NRXN3: variants seen among roughly 807,000 people sequenced by gnomAD.
NRXN3 encodes the protein neurexin 3.
A neutral mutation model predicts 137.6 loss-of-function variants in NRXN3; 32 were observed. That is an observed-to-expected ratio of 0.23 (90% CI 0.18 to 0.31). NRXN3 has a LOEUF of 0.31. Among genes scored for constraint, NRXN3 ranks in the 10% least tolerant of loss-of-function variants. The pLI, the probability that NRXN3 is intolerant of heterozygous loss-of-function variation, is 1.00. For synonymous variants in NRXN3, 798 were observed against 784.5 expected (o/e 1.02, Z -0.29); for missense variants, 1,574 against 2,062.5 (o/e 0.76, Z 4.59).
At chr14:79,690,647 A>G (rs917551287) in intron 17 of NRXN3, among the ~76,000 whole-genome samples, 5 of 152,056 alleles carry the variant, frequency 3.3e-5, no homozygotes, top group African/African-American at 4.8e-5. Flanking sequence ...AGCTTGTTAG[A>G]ATAATTTGTC....
At chr14:79,219,867 A>G (rs2069223540) in intron 15 of NRXN3, among the ~76,000 whole-genome samples, 1 of 152,196 alleles carries the variant, frequency 6.6e-6, no homozygotes, top group South Asian at 2.1e-4. Context: ...TCCCATCAAA[A>G]TGGGAACAAG....
chr14:79,598,748 G>T (rs2153831538), intron 16 of NRXN3, among the ~76,000 whole-genome samples: 1 of 152,298 alleles, frequency 6.6e-6, no homozygotes, highest in Non-Finnish European at 1.5e-5. Flanking sequence ...ACATCATGTG[G>T]AATCTGGAAG....
intron 15 of NRXN3, among the ~76,000 whole-genome samples, chr14:79,438,303 A>G (rs559353070): frequency 2.6e-4 from 40 of 152,276 alleles, no homozygotes; most frequent in Middle Eastern, 3.4e-3. Context: ...CTATCTAGGT[A>G]TCCTGGTTGA....
chr14:79,741,490 TTTG>T (rs1354546766), intron 19 of NRXN3, among the ~76,000 whole-genome samples: 2 of 152,054 alleles, frequency 1.3e-5, no homozygotes, highest in African/African-American at 2.4e-5. Flanking sequence ...TATATAATTT[TTTG>T]TTGTTGTTTT....
intron 19 of NRXN3, among the ~76,000 whole-genome samples, chr14:79,790,293 GAGGGAGCA>G (rs983646094): frequency 2.0e-5 from 3 of 151,382 alleles, no homozygotes; most frequent in Non-Finnish European, 4.4e-5. Context: ...GAGAGGGAGA[GAGGGAGCA>G]AGGGAGACAG....
intron 15 of NRXN3, among the ~76,000 whole-genome samples, chr14:79,264,980 A>T (rs2078226738): frequency 6.6e-6 from 1 of 152,176 alleles, no homozygotes; most frequent in African/African-American, 2.4e-5. Context: ...ATGTGTGTGT[A>T]TATATACATT....
At chr14:78,229,728 C>T (rs1325205653) in intron 1 of NRXN3, among the ~76,000 whole-genome samples, 2 of 152,188 alleles carry the variant, frequency 1.3e-5, no homozygotes, top group Admixed American at 6.5e-5. Flanking sequence ...CTAATACTTG[C>T]CCTGGCCTGG....
chr14:79,429,690 T>C (rs1021977326), intron 15 of NRXN3, among the ~76,000 whole-genome samples: 2 of 152,180 alleles, frequency 1.3e-5, no homozygotes, highest in African/African-American at 2.4e-5. Flanking sequence ...TGCATGTACT[T>C]CTTCGCAAGG....
intron 16 of NRXN3, among the ~76,000 whole-genome samples, chr14:79,557,316 GC>G (rs1482040002): frequency 4.7e-5 from 7 of 149,146 alleles, no homozygotes; most frequent in African/African-American, 1.5e-4. Context: ...TCCTCCCCCT[GC>G]CCCCTGCAAA....
At chr14:79,849,591 A>G (rs1012519348) in intron 20 of NRXN3, among the ~76,000 whole-genome samples, 3 of 152,236 alleles carry the variant, frequency 2.0e-5, no homozygotes, top group Non-Finnish European at 4.4e-5. Context: ...GTATTATCAA[A>G]AAGACAAGGG....
At chr14:78,790,518 T>C (rs1361002260) in intron 8 of NRXN3, among the ~76,000 whole-genome samples, 1 of 152,172 alleles carries the variant, frequency 6.6e-6, no homozygotes, top group Non-Finnish European at 1.5e-5. Flanking sequence ...TGTTGCAAAA[T>C]ACAGATTTAG....
chr14:79,093,631 C>T (rs539627339), intron 15 of NRXN3, among the ~76,000 whole-genome samples: 9 of 152,252 alleles, frequency 5.9e-5, no homozygotes, highest in South Asian at 2.1e-4. Flanking sequence ...CTAAGCACAC[C>T]GGTTAAGTGT....
At chr14:79,830,823 G>T (rs554776622) in intron 20 of NRXN3, among the ~76,000 whole-genome samples, 1 of 151,806 alleles carries the variant, frequency 6.6e-6, no homozygotes, top group Non-Finnish European at 1.5e-5. Flanking sequence ...AGACTTGTTC[G>T]GTAAACTATT....
intron 4 of NRXN3, among the ~76,000 whole-genome samples, chr14:78,314,457 G>A (rs1269663444): frequency 6.6e-6 from 1 of 152,164 alleles, no homozygotes; most frequent in Non-Finnish European, 1.5e-5. Flanking sequence ...CTTCCGTCCT[G>A]TAGCTTTGTC....
At chr14:78,749,371 C>T (rs1207747894) in intron 8 of NRXN3, among the ~76,000 whole-genome samples, 6 of 152,156 alleles carry the variant, frequency 3.9e-5, no homozygotes, top group Non-Finnish European at 8.8e-5. Context: ...AGCTTTTATG[C>T]TCATTTCACC....
Position 78,270,863 on chromosome 14 carries a change from C to T in NRXN3, c.710-7782C>T, listed in dbSNP as rs1021822762. The stretch of plus-strand genomic sequence containing the variant: ...GGGAACATTTTGAGCATAATAATTT[C>T]GCTTTTGATTATGCAGGATTTTGTC... On this transcript the variant is annotated intron_variant, in intron 2 of 20. Transcript: ENST00000335750. Among the ~76,000 whole-genome samples, 79 of 152,180 alleles carry T rather than the reference C, an allele frequency of 5.2e-4. 1 individual carries two copies. Among genetic ancestry groups the T allele is most frequent in the Admixed American group, 4.8e-3 (73 of 15,276 alleles).
chr14:78,301,340 A>G (rs929770413), intron 4 of NRXN3, among the ~76,000 whole-genome samples: 2 of 152,168 alleles, frequency 1.3e-5, no homozygotes, highest in Admixed American at 1.3e-4. Flanking sequence ...TAGGATTTTA[A>G]CTTACAAAGC....
At chr14:79,657,900 T>C (rs1055916075) in intron 16 of NRXN3, among the ~76,000 whole-genome samples, 4 of 152,216 alleles carry the variant, frequency 2.6e-5, no homozygotes, top group Non-Finnish European at 4.4e-5. Flanking sequence ...TGGTCTCTTA[T>C]GGTACAAAAA....
chr14:78,235,621 A>G (rs927828460), intron 1 of NRXN3, among the ~76,000 whole-genome samples: 14 of 152,050 alleles, frequency 9.2e-5, no homozygotes, highest in Admixed American at 1.3e-4. Flanking sequence ...TGTTATAGTT[A>G]AAGGTTAAAA....
Sources: gnomAD v4.1 joint callset for allele counts (sites outside exome capture counted in the v4.1 genomes callset) on GRCh38, gnomAD v4.1.1 for gene constraint, MANE v1.5 for transcripts, NCBI Gene and HGNC (gene_info 2026-07-23, HGNC 2026-07-21) for gene names.